Variants in PCBP3 observed in about 807,000 individuals in gnomAD.
PCBP3 encodes poly(rC)-binding protein 3.
Under a neutral mutation model 52.7 loss-of-function variants are expected in PCBP3, and 25 were observed. The observed-to-expected ratio is 0.47, with a 90% CI of 0.35 to 0.66. PCBP3 has a LOEUF of 0.66. Among genes scored for constraint, PCBP3 ranks in the 30% least tolerant of loss-of-function variants. The pLI is 0.01. For synonymous variants in PCBP3, 162 were observed against 183.0 expected, an observed-to-expected ratio of 0.89 and a Z score of 0.93; for missense variants, 391 against 490.3, an observed-to-expected ratio of 0.80 and a Z score of 1.91.
intron 3 of PCBP3, among the ~76,000 whole-genome samples, chr21:45,738,278 A>G (rs2086042223): frequency 7.1e-6 from 1 of 140,356 alleles, no homozygotes; most frequent in Non-Finnish European, 1.5e-5. Flanking sequence ...TTTTTTTGAG[A>G]CAGTCTAGCT....
intron 1 of PCBP3, among the ~76,000 whole-genome samples, chr21:45,655,450 G>T (rs914366013): frequency 9.2e-5 from 14 of 152,138 alleles, no homozygotes; most frequent in Non-Finnish European, 1.6e-4. Context: ...CCAGTTTTTT[G>T]ATTATAGCCA....
chr21:45,894,638 G>A (rs561411957), intron 5 of PCBP3, among the ~76,000 whole-genome samples: 7 of 152,338 alleles, frequency 4.6e-5, no homozygotes, highest in South Asian at 2.1e-4. Flanking sequence ...AGCTGTCCGC[G>A]CTGCCAGAAA....
chr21:45,868,750 C>T (rs2094868654), intron 5 of PCBP3, among the ~76,000 whole-genome samples: 1 of 152,228 alleles, frequency 6.6e-6, no homozygotes, highest in South Asian at 2.1e-4. Context: ...CTGGGAAGAA[C>T]CCGGGAGGCA....
At position 45,914,044 on chromosome 21, in the gene PCBP3, G is replaced by A. The variant is rs1410840070; in HGVS notation, c.675+19G>A. On this transcript the variant is annotated intron_variant, in intron 12 of 17. Coordinates refer to ENST00000681687, the MANE Select transcript of PCBP3 (RefSeq NM_001384156.1). ...TGGTCAGGTAAGAGCCGATCCGCTC[G>A]CGGCCTCCACTGCCAACCTCAGCCT... The A allele has an allele frequency of 1.7e-5, 28 of 1,613,120 alleles. No homozygotes were observed. The highest frequency in any genetic ancestry group is 2.3e-5 in the Non-Finnish European group (27 of 1,179,912).
rs148115121 is a variant in PCBP3 at position 45,880,940 on chromosome 21, C to T, written c.11-15268C>T. 9.8e-3 allele frequency among the ~76,000 whole-genome samples: 1,494 copies of T among 152,228 alleles called. 14 individuals are homozygous for T. The highest frequency in any genetic ancestry group is 0.039 in the South Asian group (186 of 4,812). ...GGGAAGGTACCCAGGGGCTTCAGCA[C>T]GGGGTGAGTCCAAGCTTAGAAGCTC... On this transcript the variant is annotated intron_variant, in intron 5 of 17. Coordinates refer to ENST00000681687, the MANE Select transcript of PCBP3 (RefSeq NM_001384156.1). The surrounding 1 kb of genome is among the most constrained non-coding windows in gnomAD (Gnocchi z 5.4).
At chr21:45,661,585 T>G (rs886658263) in intron 1 of PCBP3, among the ~76,000 whole-genome samples, 1 of 152,254 alleles carries the variant, frequency 6.6e-6, no homozygotes, top group Non-Finnish European at 1.5e-5. Context: ...GTTCCATATC[T>G]TTCTATCATG....
intron 12 of PCBP3, chr21:45,914,360 C>T (rs997571757): frequency 4.0e-6 from 2 of 504,598 alleles, no homozygotes; most frequent in Admixed American, 3.9e-5. Flanking sequence ...GGTGATTTTA[C>T]GTCTCACGTT....
intron 2 of PCBP3, among the ~76,000 whole-genome samples, chr21:45,716,591 T>G (rs1326126203): frequency 2.0e-5 from 3 of 152,178 alleles, no homozygotes; most frequent in African/African-American, 7.2e-5. Flanking sequence ...CACTAGTTCT[T>G]TTGGATTAGG....
At chr21:45,684,104 T>G (rs576604390) in intron 2 of PCBP3, among the ~76,000 whole-genome samples, 2 of 148,344 alleles carry the variant, frequency 1.3e-5, no homozygotes, top group Non-Finnish European at 3.0e-5. Flanking sequence ...GGCACATGCC[T>G]GTAGTCCCAG....
chr21:45,905,181 C>T (rs570998714), intron 9 of PCBP3, among the ~76,000 whole-genome samples: 1 of 152,208 alleles, frequency 6.6e-6, no homozygotes, highest in Admixed American at 6.5e-5. Context: ...CGAGGCTTAG[C>T]TGGAGTCAAG....
Position 45,873,525 on chromosome 21 carries a change from C to T in PCBP3, c.11-22683C>T, listed in dbSNP as rs2095122872. 3.9e-5 allele frequency among the ~76,000 whole-genome samples: 6 copies of T among 152,266 alleles called. No homozygotes were observed. The South Asian group carries it at 1.2e-3, about 32-fold the overall frequency. ...TGTGTAAATCTCCCCTGCCTCCCAG[C>T]TCTGTGTAAATGGTGTCCTGTGCTG... On this transcript the variant is annotated intron_variant, in intron 5 of 17. Transcript: ENST00000681687.
Position 45,870,867 on chromosome 21 carries a change from T to C in PCBP3, c.10+20772T>C, listed in dbSNP as rs117273867. Reference sequence around the variant, plus strand: ...AAGGCAGAGGGGATGGTGAGTCTTCTTAGGACAGGGAAGTCAGCCCTCTCA... The same window carrying C: ...AAGGCAGAGGGGATGGTGAGTCTTCCTAGGACAGGGAAGTCAGCCCTCTCA... On this transcript the variant is annotated intron_variant, in intron 5 of 17. Transcript: ENST00000681687. 5.1e-4 allele frequency: 78 copies of C among 153,138 alleles called. 3 individuals are homozygous for C. The highest frequency in any genetic ancestry group is 3.7e-3 in the East Asian group (19 of 5,188). 9.5% of individuals were successfully genotyped at this position (153,138 alleles called of 1,614,324 possible).
Position 45,710,611 on chromosome 21 carries a change from A to G in PCBP3, c.-199-24781A>G, listed in dbSNP as rs559862987. Among the ~76,000 whole-genome samples, 3 of 152,284 alleles carry G rather than the reference A, an allele frequency of 2.0e-5. No homozygotes were observed. The East Asian group carries it at 5.8e-4, about 29-fold the overall frequency. On this transcript the variant is annotated intron_variant, in intron 2 of 17. Transcript: ENST00000681687. ...GCACACGTATGTTTATTGCGGCACT[A>G]TTCACAATAGCAAAGACTTGGAACC...
In PCBP3 at chr21:45,834,226, G is replaced by A. The variant is rs534123733; in HGVS notation, c.-125-15735G>A. Among the ~76,000 whole-genome samples, 20 of 152,354 alleles carry A rather than the reference G, an allele frequency of 1.3e-4. No homozygotes were observed. The South Asian group carries it at 1.4e-3, about 11-fold the overall frequency. ...CAAGCAGGCCTCTCAGGAAGATGCC[G>A]CACAGTGCCTGGAGCCCGGCTGGCA... On this transcript the variant is annotated intron_variant, in intron 4 of 17. Transcript: ENST00000681687.
chr21:45,868,161 C>G (rs2094826878), intron 5 of PCBP3, among the ~76,000 whole-genome samples: 1 of 152,238 alleles, frequency 6.6e-6, no homozygotes, highest in Non-Finnish European at 1.5e-5. Context: ...GTTTTGAAAT[C>G]AAGTCACAGA....
intron 5 of PCBP3, among the ~76,000 whole-genome samples, chr21:45,856,306 C>G (rs937310039): frequency 1.3e-5 from 2 of 152,220 alleles, no homozygotes; most frequent in Admixed American, 6.5e-5. Context: ...TCTCTTAACC[C>G]AGACACTCCT....
At chr21:45,756,032 T>G (rs2146445541) in intron 4 of PCBP3, among the ~76,000 whole-genome samples, 1 of 152,334 alleles carries the variant, frequency 6.6e-6, no homozygotes, top group South Asian at 2.1e-4. Context: ...TCCTGTTTTC[T>G]CCTAGAAATT....
At chr21:45,798,157 G>A (rs371567920) in intron 4 of PCBP3, among the ~76,000 whole-genome samples, 4 of 16,532 alleles carry the variant, frequency 2.4e-4, no homozygotes, top group East Asian at 1.3e-3. Flanking sequence ...ATGGATGGAC[G>A]AATGCATGGA....
chr21:45,733,318 G>A (rs1458506970), intron 2 of PCBP3, among the ~76,000 whole-genome samples: 2 of 151,996 alleles, frequency 1.3e-5, no homozygotes, highest in African/African-American at 4.8e-5. Context: ...AGATGGATTC[G>A]CTCTGTCGCC....
Sources: allele counts gnomAD v4.1 joint callset (sites outside exome capture counted in the v4.1 genomes callset), GRCh38; gene constraint gnomAD v4.1.1; non-coding constraint Gnocchi (gnomAD v3.1); transcripts MANE v1.5; gene names NCBI Gene and HGNC (gene_info 2026-07-23, HGNC 2026-07-21).